WSCD1: variants seen among roughly 807,000 people sequenced by gnomAD.
WSCD1 encodes WSC domain sialate O sulfotransferase 1.
A neutral mutation model predicts 60.4 loss-of-function variants in WSCD1; 41 were observed. The ratio of observed to expected loss-of-function variants is 0.68; its 90% CI spans 0.53 to 0.88. The LOEUF (loss-of-function observed/expected upper bound fraction) is 0.88. Ranked by LOEUF, WSCD1 falls within the 40% of genes least tolerant of loss-of-function variation. The pLI is 0.00. For synonymous variants in WSCD1, 361 were observed against 332.5 expected (o/e 1.09, Z -0.93); for missense variants, 784 against 796.2 (o/e 0.98, Z 0.18).
intron 5 of WSCD1, among the ~76,000 whole-genome samples, chr17:6,096,964 C>T (rs1910476209): frequency 6.6e-6 from 1 of 152,254 alleles, no homozygotes; most frequent in African/African-American, 2.4e-5. Context: ...TTAATCCTCC[C>T]AGTAGCTCCC....
chr17:6,102,236 C>A (rs541460802), intron 5 of WSCD1, among the ~76,000 whole-genome samples: 136 of 152,330 alleles, frequency 8.9e-4, no homozygotes, highest in African/African-American at 3.2e-3. Flanking sequence ...TAATATGGAA[C>A]CTGTTTGTTC....
Position 6,104,426 on chromosome 17 carries a change from T to C in WSCD1, c.850-5181T>C, listed in dbSNP as rs148657417. On this transcript the variant is annotated intron_variant, in intron 5 of 8. Transcript: ENST00000317744. ...CCAAGGCTCAGAGATGCCCAGTTGC[T>C]CGTTGGCAGTCCATGGATGGGATTC... 2.9e-3 allele frequency among the ~76,000 whole-genome samples: 437 copies of C among 152,272 alleles called. 2 individuals carry two copies. Among genetic ancestry groups the C allele is most frequent in the African/African-American group, 9.6e-3 (397 of 41,542 alleles).
At chr17:6,085,810 A>G (rs112030935) in intron 2 of WSCD1, among the ~76,000 whole-genome samples, 26 of 152,292 alleles carry the variant, frequency 1.7e-4, no homozygotes, top group African/African-American at 6.0e-4. Context: ...TTCTTTTACT[A>G]AGTAGGCAGG....
intron 2 of WSCD1, among the ~76,000 whole-genome samples, chr17:6,087,171 C>T (rs539727384): frequency 1.4e-4 from 22 of 152,328 alleles, no homozygotes; most frequent in African/African-American, 3.8e-4. Context: ...CATGCCTACC[C>T]GCGTTTGCAT....
At chr17:6,071,856 C>G (rs1387386986) in intron 1 of WSCD1, among the ~76,000 whole-genome samples, 1 of 152,234 alleles carries the variant, frequency 6.6e-6, no homozygotes, top group Non-Finnish European at 1.5e-5. Context: ...GCCCCCACCC[C>G]CACACACTTA....
chr17:6,070,146 G>C (rs1385762556), upstream of WSCD1, among the ~76,000 whole-genome samples: 6 of 138,546 alleles, frequency 4.3e-5, no homozygotes, highest in Admixed American at 3.5e-4. Flanking sequence ...TGTGGCTCTG[G>C]GTGACTGGTG....
intron 2 of WSCD1, among the ~76,000 whole-genome samples, chr17:6,083,266 T>G (rs748302263): frequency 1.3e-5 from 2 of 152,232 alleles, no homozygotes; most frequent in Non-Finnish European, 2.9e-5. Flanking sequence ...CATGTGACCT[T>G]GGGCATAGTG....
rs368293549 is a variant in WSCD1 at position 6,107,660 on chromosome 17, G to A, written c.850-1947G>A. On this transcript the variant is annotated intron_variant, in intron 5 of 8. Coordinates refer to ENST00000317744, the MANE Select transcript of WSCD1 (RefSeq NM_015253.2). ...AGACACAGATGGGCCGCCGTGTGCC[G>A]TGGACATCCGGGCTGCTTGTTTCTG... Among the ~76,000 whole-genome samples the A allele has an allele frequency of 1.1e-3, 172 of 152,290 alleles. 1 individual carries two copies. The highest frequency in any genetic ancestry group is 0.01 in the Middle Eastern group (3 of 294).
In WSCD1 at chr17:6,118,065, A is replaced by AT; in HGVS notation, c.1254dup (p.Glu419Ter). 1 of 1,614,010 alleles carries AT rather than the reference A, an allele frequency of 6.2e-7. No individual in the cohort carries two copies. The highest frequency in any genetic ancestry group is 8.5e-7 in the Non-Finnish European group (1 of 1,180,004). Reference sequence around the variant, plus strand: ...AACCCACGAGAGTGGCAGGAGGGAGATTGAGATGTTTGATTCAGCCATCCT... The same window carrying AT: ...AACCCACGAGAGTGGCAGGAGGGAGATTTGAGATGTTTGATTCAGCCATCCT... On this transcript the variant is annotated frameshift_variant, in exon 8 of 9. Transcript: ENST00000317744. LOFTEE classifies it high-confidence loss of function. This position sits in a 1 kb window ranked among gnomAD's most constrained non-coding sequence, Gnocchi z 5.8.
At position 6,118,023 on chromosome 17, in the gene WSCD1, C is replaced by CGCG. The variant is rs768218534; in HGVS notation, c.1212_1213insGGC (p.Arg404_Thr405insGly). On this transcript the variant is annotated inframe_insertion, in exon 8 of 9. Coordinates refer to ENST00000317744, the MANE Select transcript of WSCD1 (RefSeq NM_015253.2). This position sits in a 1 kb window ranked among gnomAD's most constrained non-coding sequence, Gnocchi z 5.8. ...CGAAAAGGACCACTGGCGGAGCCGA[C>CGCG]GCACCATCTGTGTCAAAACCCACGA... is the stretch of plus-strand genomic sequence containing the variant. 6.2e-7 allele frequency: 1 copy of CGCG among 1,614,120 alleles called. No individual in the cohort carries two copies. The highest frequency in any genetic ancestry group is 8.5e-7 in the Non-Finnish European group (1 of 1,180,040).
At chr17:6,097,447 C>G (rs932769290) in intron 5 of WSCD1, among the ~76,000 whole-genome samples, 1 of 152,240 alleles carries the variant, frequency 6.6e-6, no homozygotes, top group Admixed American at 6.5e-5. Flanking sequence ...CTTGCCCATT[C>G]TCTAACAAGC....
Position 6,080,595 on chromosome 17 carries a change from C to T in WSCD1, c.-64C>T. The T allele has an allele frequency of 6.4e-7, 1 of 1,568,158 alleles. No individual in the cohort carries two copies. Among genetic ancestry groups the T allele is most frequent in the Non-Finnish European group, 8.7e-7 (1 of 1,153,674 alleles). The stretch of plus-strand genomic sequence containing the variant: ...ATGACGCCTCCGGAGGCCCTGGCCT[C>T]ACTCCCACCTGGGCGCTAGGAGCCA... On this transcript the variant is annotated 5_prime_UTR_variant, in exon 2 of 9. Coordinates refer to ENST00000317744, the MANE Select transcript of WSCD1 (RefSeq NM_015253.2). This position sits in a 1 kb window ranked among gnomAD's most constrained non-coding sequence, Gnocchi z 6.6.
At chr17:6,077,584 C>T (rs766396057) in intron 1 of WSCD1, among the ~76,000 whole-genome samples, 9 of 152,114 alleles carry the variant, frequency 5.9e-5, no homozygotes, top group Non-Finnish European at 8.8e-5. Flanking sequence ...GAAGGGGGAG[C>T]GCCAGAAAAT....
chr17:6,070,153 G>GGTGT (rs375644165), upstream of WSCD1, among the ~76,000 whole-genome samples: 30,221 of 142,064 alleles, frequency 0.21, 3,361 homozygotes, highest in Non-Finnish European at 0.26. Context: ...CTGGGTGACT[G>GGTGT]GTGTGTGTGT....
At chr17:6,084,243 G>C (rs1396506303) in intron 2 of WSCD1, among the ~76,000 whole-genome samples, 1 of 152,248 alleles carries the variant, frequency 6.6e-6, no homozygotes, top group Non-Finnish European at 1.5e-5. Context: ...ACCGAAGGAA[G>C]AATTTGCTCT....
At chr17:6,112,136 A>G (rs780963247) in intron 7 of WSCD1, among the ~76,000 whole-genome samples, 2 of 152,252 alleles carry the variant, frequency 1.3e-5, no homozygotes, top group Non-Finnish European at 2.9e-5. Flanking sequence ...AAGATTTTAA[A>G]TAAGCAACCT....
intron 5 of WSCD1, among the ~76,000 whole-genome samples, chr17:6,099,813 T>A (rs981405643): frequency 2.0e-5 from 3 of 152,190 alleles, no homozygotes; most frequent in African/African-American, 4.8e-5. Flanking sequence ...CACGGGGTTT[T>A]CTCTTTGTTC....
chr17:6,109,431 T>C (rs1242721110), intron 5 of WSCD1, among the ~76,000 whole-genome samples, 176 bp from the exon 6 acceptor site: 2 of 152,182 alleles, frequency 1.3e-5, no homozygotes, highest in East Asian at 3.9e-4. Flanking sequence ...TGTTGATCTT[T>C]GTCTCCCCTG....
At chr17:6,113,255 T>C (rs1004205580) in intron 7 of WSCD1, among the ~76,000 whole-genome samples, 12 of 152,280 alleles carry the variant, frequency 7.9e-5, no homozygotes, top group South Asian at 2.1e-4. Context: ...TGCAGAAGAC[T>C]GAGGCTGTAC....
Sources: gnomAD v4.1 joint callset for allele counts (sites outside exome capture counted in the v4.1 genomes callset) on GRCh38, gnomAD v4.1.1 for gene constraint, Gnocchi (gnomAD v3.1) non-coding constraint, MANE v1.5 for transcripts, NCBI Gene and HGNC (gene_info 2026-07-23, HGNC 2026-07-21) for gene names.